Variants in MTHFD1L observed in about 807,000 individuals in gnomAD.
MTHFD1L encodes the protein methylenetetrahydrofolate dehydrogenase (NADP+ dependent) 1 like.
Under a neutral mutation model 119.5 loss-of-function variants are expected in MTHFD1L, and 81 were observed. The observed-to-expected ratio is 0.68, with a 90% CI of 0.57 to 0.82. The LOEUF (loss-of-function observed/expected upper bound fraction) is 0.82. Among genes scored for constraint, MTHFD1L ranks in the 40% least tolerant of loss-of-function variants. The pLI, the probability that MTHFD1L is intolerant of heterozygous loss-of-function variation, is 0.00. For missense variants in MTHFD1L, 1,125 were observed against 1,253.4 expected (o/e 0.90, Z 1.55); for synonymous variants, 430 against 475.2 (o/e 0.90, Z 1.24).
In MTHFD1L at chr6:150,923,537, A is replaced by ATTTATTTATTTATTTATTTAT. The variant is rs1254981530; in HGVS notation, c.1082+1238_1082+1239insATTTATTTATTTATTTATTTT. Among the ~76,000 whole-genome samples the ATTTATTTATTTATTTATTTAT allele has an allele frequency of 3.4e-3, 328 of 95,214 alleles. 1 individual carries two copies. The highest frequency in any genetic ancestry group is 0.014 in the African/African-American group (274 of 19,778). The allele number at this position is 95,214 out of a possible 152,430, so 62.5% of individuals were successfully genotyped here. A position where few individuals can be genotyped will look rare whatever the true frequency, so the allele number is the denominator to read the frequency against. ...TATTTATTTATTTATTTATTTATTT[A>ATTTATTTATTTATTTATTTAT]TTTTTTCTTTTTTTTTTTTTTTTTT... On this transcript the variant is annotated intron_variant, in intron 10 of 27. Coordinates refer to ENST00000367321, the MANE Select transcript of MTHFD1L (RefSeq NM_015440.5).
chr6:151,026,165 C>CTA (rs1203823588), intron 24 of MTHFD1L, among the ~76,000 whole-genome samples: 2 of 152,194 alleles, frequency 1.3e-5, no homozygotes, highest in African/African-American at 2.4e-5. Context: ...TCCAAGAAAG[C>CTA]TATACTGTTT....
intron 17 of MTHFD1L, among the ~76,000 whole-genome samples, chr6:150,957,953 A>G (rs548002716): frequency 2.4e-4 from 37 of 152,282 alleles, no homozygotes; most frequent in Admixed American, 1.6e-3. Context: ...CTTTCTCTGC[A>G]TAGTTTTTTA....
chr6:150,934,373 C>A (rs1791691962), intron 11 of MTHFD1L, among the ~76,000 whole-genome samples: 1 of 152,218 alleles, frequency 6.6e-6, no homozygotes, highest in South Asian at 2.1e-4. Context: ...ATGTTCAAAT[C>A]TAGTTAGATC....
intron 11 of MTHFD1L, among the ~76,000 whole-genome samples, chr6:150,934,531 C>T (rs968612703): frequency 3.3e-5 from 5 of 152,138 alleles, no homozygotes; most frequent in Non-Finnish European, 7.4e-5. Context: ...TCATTTTGTC[C>T]CCAGCGTCTA....
chr6:150,879,849 G>A (rs1212155120), intron 4 of MTHFD1L, among the ~76,000 whole-genome samples: 17 of 151,942 alleles, frequency 1.1e-4, no homozygotes, highest in Non-Finnish European at 2.9e-5. Context: ...GGCCGTTCTC[G>A]AACTCCTGAC....
At chr6:151,049,402 G>A (rs1279638573) in intron 26 of MTHFD1L, among the ~76,000 whole-genome samples, 12 of 151,624 alleles carry the variant, frequency 7.9e-5, no homozygotes, top group African/African-American at 2.7e-4. Flanking sequence ...TGAGGCAGGA[G>A]AATGGCGTGA....
chr6:150,877,537 A>G, intron 2 of MTHFD1L, 97 bp from the exon 3 acceptor site: 3 of 1,322,128 alleles, frequency 2.3e-6, no homozygotes, highest in Non-Finnish European at 2.1e-6. Flanking sequence ...TTATCTTTGT[A>G]ATTAGATCAT....
chr6:150,948,255 C>T (rs867705691), intron 15 of MTHFD1L, among the ~76,000 whole-genome samples: 1 of 152,076 alleles, frequency 6.6e-6, no homozygotes, highest in Non-Finnish European at 1.5e-5. Context: ...GATCTGCCCA[C>T]CTCCGCCTCC....
intron 20 of MTHFD1L, among the ~76,000 whole-genome samples, chr6:150,973,715 T>C (rs1014551181): frequency 6.6e-6 from 1 of 152,192 alleles, no homozygotes; most frequent in Admixed American, 6.5e-5. Flanking sequence ...ACGAGCCCTC[T>C]GTGTGACCTT....
intron 8 of MTHFD1L, among the ~76,000 whole-genome samples, chr6:150,914,539 A>G (rs1787516418): frequency 6.7e-6 from 1 of 149,880 alleles, no homozygotes; most frequent in South Asian, 2.1e-4. Flanking sequence ...CACCCTTGCA[A>G]TCCCAACTAC....
chr6:151,017,860 A>T (rs1584157333), intron 24 of MTHFD1L, among the ~76,000 whole-genome samples: 3 of 95,004 alleles, frequency 3.2e-5, no homozygotes, highest in East Asian at 3.5e-4. Flanking sequence ...TTTGAGACGG[A>T]GTCTTGCTCT....
intron 26 of MTHFD1L, among the ~76,000 whole-genome samples, chr6:151,072,777 C>T (rs951791134): frequency 7.3e-5 from 11 of 151,708 alleles, no homozygotes; most frequent in Admixed American, 6.6e-4. Context: ...CTCTGCACTC[C>T]AGCCTGGATG....
At chr6:150,871,484 A>G (rs1246523262) in intron 1 of MTHFD1L, among the ~76,000 whole-genome samples, 1 of 148,498 alleles carries the variant, frequency 6.7e-6, no homozygotes, top group East Asian at 2.0e-4. Context: ...CTTGATATCA[A>G]CTACTGTAAT....
intron 24 of MTHFD1L, among the ~76,000 whole-genome samples, chr6:151,020,955 T>C (rs1286801287): frequency 6.6e-6 from 1 of 152,204 alleles, no homozygotes; most frequent in Non-Finnish European, 1.5e-5. Context: ...CCATCTGCTA[T>C]GTGGGCTCAA....
chr6:151,018,091 AC>A (rs1783415040), intron 24 of MTHFD1L, among the ~76,000 whole-genome samples: 1 of 152,022 alleles, frequency 6.6e-6, no homozygotes, highest in South Asian at 2.1e-4. Flanking sequence ...CACCCGTCTG[AC>A]ATCTCCATTC....
chr6:150,929,692 T>TA (rs1790671105), intron 11 of MTHFD1L, among the ~76,000 whole-genome samples: 1 of 152,206 alleles, frequency 6.6e-6, no homozygotes, highest in Non-Finnish European at 1.5e-5. Context: ...CTAGCATTAA[T>TA]ATGTATAATC....
Position 150,960,432 on chromosome 6 carries a change from C to G in MTHFD1L, c.1944+17C>G, listed in dbSNP as rs764447789. 1.3e-6 allele frequency: 2 copies of G among 1,590,064 alleles called. No individual in the cohort carries two copies. The highest frequency in any genetic ancestry group is 8.6e-7 in the Non-Finnish European group (1 of 1,167,284). Reference sequence around the variant, plus strand: ...GATGATTTGGTGAGTGTTTCCAACTCGGAAGCTTCAGGGAGTGGACGGTCC... The same window carrying G: ...GATGATTTGGTGAGTGTTTCCAACTGGGAAGCTTCAGGGAGTGGACGGTCC... On this transcript the variant is annotated intron_variant, in intron 18 of 27. Coordinates refer to ENST00000367321, the MANE Select transcript of MTHFD1L (RefSeq NM_015440.5).
chr6:150,968,090 T>C (rs1331369748), intron 19 of MTHFD1L, among the ~76,000 whole-genome samples: 1 of 152,138 alleles, frequency 6.6e-6, no homozygotes, highest in Non-Finnish European at 1.5e-5. Context: ...TCTGTTCTCA[T>C]GTCATGTAAG....
chr6:150,996,464 T>C (rs1290430913), intron 20 of MTHFD1L, among the ~76,000 whole-genome samples: 1 of 152,188 alleles, frequency 6.6e-6, no homozygotes, highest in Admixed American at 6.5e-5. Context: ...CCACCATGCC[T>C]GGTTCTTGTC....
Sources: gnomAD v4.1 joint callset for allele counts (sites outside exome capture counted in the v4.1 genomes callset) on GRCh38, gnomAD v4.1.1 for gene constraint, MANE v1.5 for transcripts, NCBI Gene and HGNC (gene_info 2026-07-23, HGNC 2026-07-21) for gene names.